The following SGCD variants were observed in gnomAD, a reference collection of about 807,000 sequenced individuals.
SGCD encodes sarcoglycan delta.
In SGCD, 18 loss-of-function variants were observed where a neutral mutation model predicts 36.6. That is an observed-to-expected ratio of 0.49 (90% CI 0.34 to 0.73). The LOEUF is 0.73. SGCD is among the 30% of genes least tolerant of loss of function. The pLI is 0.01. For missense variants in SGCD, 387 were observed against 346.7 expected (o/e 1.12, Z -0.92); for synonymous variants, 133 against 130.6 (o/e 1.02, Z -0.12).
At chr5:156,682,471 C>A (rs897649012) in intron 7 of SGCD, among the ~76,000 whole-genome samples, 1 of 152,152 alleles carries the variant, frequency 6.6e-6, no homozygotes, top group Non-Finnish European at 1.5e-5. Context: ...TAATAAAACA[C>A]AAATCTGTTG....
At chr5:155,729,021 A>G in the SGCD span, among the ~76,000 whole-genome samples, 1 of 151,910 alleles carries the variant, frequency 6.6e-6, no homozygotes, top group Admixed American at 6.6e-5. Flanking sequence ...GGCCCCCTTT[A>G]CCCCCAGCTA....
chr5:156,304,017 C>A (rs914604274), intron 3 of SGCD, among the ~76,000 whole-genome samples: 3 of 152,048 alleles, frequency 2.0e-5, no homozygotes, highest in African/African-American at 7.2e-5. Context: ...GCTCTGAGCT[C>A]AGCAGAGCAC....
chr5:156,401,012 T>C (rs1308083562), intron 3 of SGCD, among the ~76,000 whole-genome samples: 1 of 152,232 alleles, frequency 6.6e-6, no homozygotes, highest in African/African-American at 2.4e-5. Flanking sequence ...TCAATGCTGA[T>C]TAACCTCCTA....
intron 7 of SGCD, among the ~76,000 whole-genome samples, chr5:156,669,185 T>G (rs940791203): frequency 2.0e-5 from 3 of 152,110 alleles, no homozygotes; most frequent in Non-Finnish European, 4.4e-5. Context: ...GACCTCATGG[T>G]CTACCCACAC....
intron 4 of SGCD, among the ~76,000 whole-genome samples, chr5:156,561,569 T>C (rs550181057): frequency 1.3e-5 from 2 of 152,304 alleles, no homozygotes; most frequent in East Asian, 3.9e-4. Context: ...ATCAGAACTG[T>C]TCCTGTTAGG....
At chr5:155,796,563 G>A in the SGCD span, among the ~76,000 whole-genome samples, 1 of 151,798 alleles carries the variant, frequency 6.6e-6, no homozygotes, top group South Asian at 2.1e-4. Context: ...CAGCACTTTG[G>A]GAGGCCGAGG....
intron 1 of SGCD, among the ~76,000 whole-genome samples, chr5:156,110,544 T>A (rs1212770536): frequency 6.6e-6 from 1 of 152,246 alleles, no homozygotes; most frequent in Non-Finnish European, 1.5e-5. Flanking sequence ...TCTCGGGGAC[T>A]GTATAGTGTT....
chr5:156,177,097 G>A (rs2127624855), intron 3 of SGCD, among the ~76,000 whole-genome samples: 1 of 152,262 alleles, frequency 6.6e-6, no homozygotes, highest in East Asian at 1.9e-4. Context: ...CGCCTCCTGG[G>A]TTCCAGCGAT....
At chr5:155,852,010 G>A in the SGCD span, among the ~76,000 whole-genome samples, 2 of 152,176 alleles carry the variant, frequency 1.3e-5, no homozygotes, top group Admixed American at 6.6e-5. Flanking sequence ...AGCTGCTAGC[G>A]CAGAGCCTGG....
chr5:156,235,459 A>T (rs1765132630), intron 3 of SGCD, among the ~76,000 whole-genome samples: 1 of 152,220 alleles, frequency 6.6e-6, no homozygotes, highest in Admixed American at 6.5e-5. Context: ...ACAGGAAGGA[A>T]ATGGCACCAG....
intron 3 of SGCD, among the ~76,000 whole-genome samples, chr5:156,408,481 C>A (rs1772545698): frequency 6.6e-6 from 1 of 151,998 alleles, no homozygotes; most frequent in African/African-American, 2.4e-5. Context: ...GCCTCAGCCT[C>A]CCCAGTAGCT....
chr5:156,163,093 A>G (rs1270215665), intron 3 of SGCD, among the ~76,000 whole-genome samples: 1 of 151,600 alleles, frequency 6.6e-6, no homozygotes, highest in Non-Finnish European at 1.5e-5. Context: ...TTTAAATTCA[A>G]TAGCCAAACA....
intron 4 of SGCD, among the ~76,000 whole-genome samples, chr5:156,522,783 A>C (rs1757470275): frequency 6.7e-6 from 1 of 148,976 alleles, no homozygotes; most frequent in Non-Finnish European, 1.5e-5. Context: ...CACACACATC[A>C]GTGCTGTACA....
chr5:156,728,497 C>T (rs576464857), intron 7 of SGCD, among the ~76,000 whole-genome samples: 26 of 96,940 alleles, frequency 2.7e-4, no homozygotes, highest in Admixed American at 8.9e-4. Context: ...GGTGACAGAG[C>T]GAGACTCTGT....
At chr5:156,421,333 G>A (rs78758134) in intron 3 of SGCD, among the ~76,000 whole-genome samples, 3,344 of 152,142 alleles carry the variant, frequency 0.022, 178 homozygotes, top group East Asian at 0.16. Flanking sequence ...TGATACATTC[G>A]AGTGACACTT....
intron 3 of SGCD, among the ~76,000 whole-genome samples, chr5:156,211,818 T>G (rs1764450538): frequency 6.6e-6 from 1 of 152,118 alleles, no homozygotes; most frequent in African/African-American, 2.4e-5. Flanking sequence ...ATAATTTTTA[T>G]AAGATACACA....
At chr5:155,904,305 T>C (rs141914830) in intron 1 of SGCD, among the ~76,000 whole-genome samples, 2 of 152,310 alleles carry the variant, frequency 1.3e-5, no homozygotes, top group East Asian at 3.9e-4. Context: ...ACCACTGCAA[T>C]GCGTAATAGG....
intron 1 of SGCD, among the ~76,000 whole-genome samples, chr5:156,033,127 GA>G (rs2127576239): frequency 6.8e-6 from 1 of 147,882 alleles, no homozygotes; most frequent in African/African-American, 2.5e-5. Context: ...CAAAAAAAAA[GA>G]AGCTCAAATT....
intron 3 of SGCD, among the ~76,000 whole-genome samples, chr5:156,171,780 T>G (rs1223427370): frequency 6.6e-6 from 1 of 152,148 alleles, no homozygotes; most frequent in African/African-American, 2.4e-5. Flanking sequence ...TTTGGGATCT[T>G]CTTGTGCCTT....
Sources: gnomAD v4.1 joint callset for allele counts (sites outside exome capture counted in the v4.1 genomes callset) on GRCh38, gnomAD v4.1.1 for gene constraint, MANE v1.5 for transcripts, NCBI Gene and HGNC (gene_info 2026-07-23, HGNC 2026-07-21) for gene names.